The following TTC19 variants were observed in gnomAD, a reference collection of about 807,000 sequenced individuals.
TTC19 encodes the protein tetratricopeptide repeat protein 19, mitochondrial.
Under a neutral mutation model 49.5 loss-of-function variants are expected in TTC19, and 38 were observed. The observed-to-expected ratio is 0.77, with a 90% CI of 0.59 to 1.01. TTC19 has a LOEUF of 1.01. TTC19 is among the 50% of genes least tolerant of loss of function. The pLI, the probability that TTC19 is intolerant of heterozygous loss-of-function variation, is 0.00. For missense variants in TTC19, 475 were observed against 477.7 expected (o/e 0.99, Z 0.05); for synonymous variants, 204 against 185.2 (o/e 1.10, Z -0.83).
chr17:16,006,801 AATTT>A (rs750914759), intron 7 of TTC19, among the ~76,000 whole-genome samples: 1 of 152,080 alleles, frequency 6.6e-6, no homozygotes, highest in South Asian at 2.1e-4. Flanking sequence ...ACATGGTCAT[AATTT>A]ATTTGTTAAC....
chr17:16,026,547 T>C lies in TTC19; in HGVS notation c.839T>C (p.Val280Ala), dbSNP rs768170983. Residue 280 changes from valine (V) to alanine (A), a missense_variant, in exon 9 of 10, where the codon GTG becomes GCG. Physicochemically the swap from Val to Ala is moderately conservative, Grantham distance 64. Coordinates refer to ENST00000261647, the MANE Select transcript of TTC19 (RefSeq NM_017775.4). Reference protein sequence around the residue: ...IQGERHPQTIVLMSDLATTLD... With the variant: ...IQGERHPQTIALMSDLATTLD... ...TTTTTCTTTTACATACAGACCATTG[T>C]GCTGATGAGTGACCTGGCTACTACC... 2 of 1,614,030 alleles carry C rather than the reference T, an allele frequency of 1.2e-6. No individual in the cohort carries two copies. The highest frequency in any genetic ancestry group is 4.5e-5 in the East Asian group (2 of 44,896).
In TTC19 at chr17:16,028,269, T is replaced by G. The variant is rs1372247840; in HGVS notation, c.*747T>G. The stretch of plus-strand genomic sequence containing the variant: ...TCCTTTGCAGCCTTAGTCACACAAC[T>G]GAGTCATCTCAAGTACTCTTTAAGG... On this transcript the variant is annotated 3_prime_UTR_variant, in exon 10 of 10. Coordinates refer to ENST00000261647, the MANE Select transcript of TTC19 (RefSeq NM_017775.4). 2 of 454,088 alleles carry G rather than the reference T, an allele frequency of 4.4e-6. No individual in the cohort carries two copies. The highest frequency in any genetic ancestry group is 8.8e-6 in the Non-Finnish European group (2 of 226,762). 28.1% of individuals were successfully genotyped at this position (454,088 alleles called of 1,614,324 possible). A position where few individuals can be genotyped will look rare whatever the true frequency, so the allele number is the denominator to read the frequency against.
chr17:16,019,345 A>C (rs1001497570), intron 7 of TTC19, among the ~76,000 whole-genome samples: 1 of 152,250 alleles, frequency 6.6e-6, no homozygotes, highest in African/African-American at 2.4e-5. Context: ...AAAACAAAAA[A>C]ACAATATACA....
intron 7 of TTC19, among the ~76,000 whole-genome samples, chr17:16,014,193 AG>A (rs1261426817): frequency 1.3e-5 from 2 of 152,232 alleles, no homozygotes; most frequent in African/African-American, 4.8e-5. Flanking sequence ...CTTTCCTAGA[AG>A]TCTCCAAGTA....
chr17:16,021,944 T>G (rs764113065), intron 7 of TTC19, among the ~76,000 whole-genome samples: 19 of 152,226 alleles, frequency 1.2e-4, no homozygotes, highest in South Asian at 8.3e-4. Context: ...ACATCAAATT[T>G]ACAGGGTAGT....
chr17:16,033,662 T>C (rs893982410), downstream of TTC19, among the ~76,000 whole-genome samples: 2 of 137,484 alleles, frequency 1.5e-5, no homozygotes, highest in South Asian at 4.5e-4. Flanking sequence ...GTTTTAAAAG[T>C]CTGTTGCTTT....
At position 16,024,954 on chromosome 17, in the gene TTC19, C is replaced by A. The variant is rs188950109; in HGVS notation, c.677-63C>A. 2.7e-3 allele frequency: 3,989 copies of A among 1,494,082 alleles called. 11 individuals are homozygous for A. Among genetic ancestry groups the A allele is most frequent in the South Asian group, 5.9e-3 (521 of 88,442 alleles). 92.6% of individuals were successfully genotyped at this position (1,494,082 alleles called of 1,614,324 possible). A position where few individuals can be genotyped will look rare whatever the true frequency, so the allele number is the denominator to read the frequency against. On this transcript the variant is annotated intron_variant, in intron 7 of 9. Transcript: ENST00000261647. ...TGACATGTGGGTCCCATTCTGCTGA[C>A]ATATTTGTGGGTCCTGGTAACAACC...
At chr17:16,017,018 C>A (rs1161876244) in intron 7 of TTC19, among the ~76,000 whole-genome samples, 1 of 152,146 alleles carries the variant, frequency 6.6e-6, no homozygotes. Context: ...AATCTTCTTT[C>A]TTTATACATG....
rs192522753 is a variant in TTC19, at chr17:16,027,376, C to A, written c.997C>A (p.Arg333=). The change falls in exon 10 of 10, where the codon CGA becomes AGA. Residue 333 remains arginine, a splice_region_variant and synonymous_variant. Coordinates refer to ENST00000261647, the MANE Select transcript of TTC19 (RefSeq NM_017775.4). ...CCCTTCTCTCTGGGTTATTTTAGAA[C>A]GATATACACAAGCAAAAGAGATCTA... is the stretch of plus-strand genomic sequence containing the variant. ...NLAAVLMHRE[R]YTQAKEIYQE... is the part of the protein sequence containing the mutation. 1.2e-6 allele frequency: 2 copies of A among 1,613,748 alleles called. No individual in the cohort carries two copies. The highest frequency in any genetic ancestry group is 4.5e-5 in the East Asian group (2 of 44,868).
At chr17:16,030,959 C>G (rs999026112), downstream of TTC19, 2 of 196,074 alleles carry the variant, frequency 1.0e-5, no homozygotes, top group African/African-American at 4.6e-5. Context: ...TTTCCAGTTA[C>G]CAGTGGCATT....
rs903985297 is a variant in TTC19, at chr17:16,028,172, T to G, written c.*650T>G. The G allele has an allele frequency of 8.8e-6, 4 of 453,992 alleles. No individual in the cohort carries two copies. The highest frequency in any genetic ancestry group is 1.3e-5 in the Non-Finnish European group (3 of 226,758). 28.1% of individuals were successfully genotyped at this position (453,992 alleles called of 1,614,324 possible). A position where few individuals can be genotyped will look rare whatever the true frequency, so the allele number is the denominator to read the frequency against. ...TTATCTGGTTATATAAAACTAAAAA[T>G]GGGGGTGTTTATATAAAACTAAAAA... is the stretch of plus-strand genomic sequence containing the variant. On this transcript the variant is annotated 3_prime_UTR_variant, in exon 10 of 10. Coordinates refer to ENST00000261647, the MANE Select transcript of TTC19 (RefSeq NM_017775.4).
In TTC19 at chr17:16,027,354, T is replaced by C; in HGVS notation, c.995-20T>C. 2 of 1,613,704 alleles carry C rather than the reference T, an allele frequency of 1.2e-6. No homozygotes were observed. Among genetic ancestry groups the C allele is most frequent in the Non-Finnish European group, 1.7e-6 (2 of 1,179,666 alleles). On this transcript the variant is annotated intron_variant, in intron 9 of 9. Coordinates refer to ENST00000261647, the MANE Select transcript of TTC19 (RefSeq NM_017775.4). ...ACATACACTTTCTTCTTACTGTCCCTTCTCTCTGGGTTATTTTAGAACGAT... is the reference window on the plus strand; with the variant it reads ...ACATACACTTTCTTCTTACTGTCCCCTCTCTCTGGGTTATTTTAGAACGAT...
chr17:16,000,264 C>G lies in TTC19; in HGVS notation c.312+19C>G, dbSNP rs913693736. On this transcript the variant is annotated intron_variant, in intron 2 of 9. Transcript: ENST00000261647. ...AGCCAAGGTGAGGCGGCTCCGGGCC[C>G]TGCGCCCGGCCGAGCGCGGTAGCCT... The G allele has an allele frequency of 6.3e-7, 1 of 1,593,148 alleles. No homozygotes were observed. Among genetic ancestry groups the G allele is most frequent in the African/African-American group, 1.3e-5 (1 of 74,786 alleles).
At chr17:16,025,561 T>TA (rs1220276419) in intron 8 of TTC19, among the ~76,000 whole-genome samples, 3 of 152,268 alleles carry the variant, frequency 2.0e-5, no homozygotes, top group Admixed American at 6.5e-5. Flanking sequence ...GCCCCACAGT[T>TA]AAAATGGCAA....
At chr17:16,036,842 T>C (rs1597588856) in intron 2 of TTC19, among the ~76,000 whole-genome samples, 1 of 152,358 alleles carries the variant, frequency 6.6e-6, no homozygotes, top group African/African-American at 2.4e-5. Context: ...AAACACTGTT[T>C]TGCTTTATTA....
chr17:16,029,997 C>T, downstream of TTC19: 1 of 167,714 alleles, frequency 6.0e-6, no homozygotes, highest in Non-Finnish European at 1.3e-5. Flanking sequence ...CATAGACCCC[C>T]TAAGTAGTCA....
In TTC19 at chr17:16,026,578, T is replaced by G; in HGVS notation, c.870T>G (p.Asp290Glu). The G allele has an allele frequency of 6.2e-7, 1 of 1,614,212 alleles. No homozygotes were observed. The highest frequency in any genetic ancestry group is 8.5e-7 in the Non-Finnish European group (1 of 1,180,010). ...VLMSDLATTL[D>E]AQGRFDEAYI... ...TGAGTGACCTGGCTACTACCCTGGA[T>G]GCACAGGGCCGCTTTGATGAGGCCT... The change falls in exon 9 of 10, where the codon GAT becomes GAG. Residue 290 changes from aspartate (D) to glutamate (E), a missense_variant. Asp to Glu is a conservative substitution (Grantham distance 45). Coordinates refer to ENST00000261647, the MANE Select transcript of TTC19 (RefSeq NM_017775.4).
In TTC19 at chr17:16,009,565, T is replaced by C. The variant is rs188072854; in HGVS notation, c.676+2997T>C. 1.4e-4 allele frequency among the ~76,000 whole-genome samples: 22 copies of C among 152,310 alleles called. No homozygotes were observed. The East Asian group carries it at 4.0e-3, about 28-fold the overall frequency. On this transcript the variant is annotated intron_variant, in intron 7 of 9. Transcript: ENST00000261647. The stretch of plus-strand genomic sequence containing the variant: ...AAGCTAATTTCTATTATAAATATTA[T>C]TTTTACATTTTACTAGTTGCACAGT...
rs549867169 is a variant in TTC19, at chr17:16,009,825, C to T, written c.676+3257C>T. ...TATGTTGTAGACATATATGTACTTA[C>T]TGAGGAAATGCCCATAAAAAATTAA... On this transcript the variant is annotated intron_variant, in intron 7 of 9. Coordinates refer to ENST00000261647, the MANE Select transcript of TTC19 (RefSeq NM_017775.4). Among the ~76,000 whole-genome samples, 45 of 152,142 alleles carry T rather than the reference C, an allele frequency of 3.0e-4. No homozygotes were observed. The South Asian group carries it at 8.1e-3, about 27-fold the overall frequency.
Sources: gnomAD v4.1 joint callset for allele counts (sites outside exome capture counted in the v4.1 genomes callset) on GRCh38, gnomAD v4.1.1 for gene constraint, MANE v1.5 for transcripts, NCBI Gene and HGNC (gene_info 2026-07-23, HGNC 2026-07-21) for gene names.